PCDH15: variants seen among roughly 807,000 people sequenced by gnomAD.
PCDH15 encodes the protein protocadherin-15.
Under a neutral mutation model 178.5 loss-of-function variants are expected in PCDH15, and 129 were observed. The observed-to-expected ratio is 0.72, with a 90% CI of 0.63 to 0.84. The LOEUF is 0.84. Among genes scored for constraint, PCDH15 ranks in the 40% least tolerant of loss-of-function variants. The probability of loss-of-function intolerance (pLI) is 0.00; values close to 1 mark genes in which losing one functional copy is unlikely to be tolerated. For missense variants in PCDH15, 2,230 were observed against 2,099.9 expected, an observed-to-expected ratio of 1.06 and a Z score of -1.21; for synonymous variants, 800 against 732.0, an observed-to-expected ratio of 1.09 and a Z score of -1.50.
In PCDH15 at chr10:54,089,991, A is replaced by G; in HGVS notation, c.1990T>C (p.Ser664Pro). The G allele has an allele frequency of 6.2e-7, 1 of 1,608,100 alleles. No individual in the cohort carries two copies. The highest frequency in any genetic ancestry group is 8.5e-7 in the Non-Finnish European group (1 of 1,174,912). Reference protein sequence around the residue: ...NGDPQRVFNLSETTGILTLGK... With the variant: ...NGDPQRVFNLPETTGILTLGK... ...AAATCATTTTTAACTTACGTTTCTG[A>G]AAGATTAAAAACTCTCTGAGGATCT... The change falls in exon 16 of 38, where the codon TCA becomes CCA. Residue 664 changes from serine to proline, a missense_variant. Coordinates refer to ENST00000644397, the MANE Select transcript of PCDH15 (RefSeq NM_001384140.1).
chr10:55,478,353 A>G (rs1453135259), intron 2 of PCDH15, among the ~76,000 whole-genome samples: 1 of 151,694 alleles, frequency 6.6e-6, no homozygotes, highest in Middle Eastern at 3.2e-3. Context: ...TCCATCCAAC[A>G]TCTGCAGGAT....
intron 32 of PCDH15, among the ~76,000 whole-genome samples, chr10:53,824,012 A>G (rs2076500704): frequency 6.6e-6 from 1 of 152,132 alleles, no homozygotes; most frequent in Non-Finnish European, 1.5e-5. Context: ...AACCTTATAC[A>G]TAATACCAAT....
chr10:53,918,135 C>T (rs1388653383), intron 25 of PCDH15, among the ~76,000 whole-genome samples: 3 of 152,120 alleles, frequency 2.0e-5, no homozygotes, highest in African/African-American at 7.2e-5. Context: ...ATACACAAAC[C>T]AAATATGGTT....
intron 4 of PCDH15, among the ~76,000 whole-genome samples, chr10:54,377,809 A>G (rs1470173991): frequency 6.6e-6 from 1 of 152,156 alleles, no homozygotes; most frequent in African/African-American, 2.4e-5. Context: ...TCTGTACTCA[A>G]GAAAGACTGA....
At chr10:54,593,361 G>T (rs1442092453) in intron 2 of PCDH15, among the ~76,000 whole-genome samples, 1 of 152,032 alleles carries the variant, frequency 6.6e-6, no homozygotes, top group Non-Finnish European at 1.5e-5. Flanking sequence ...TTTGTATGTG[G>T]TAAGAGCTTA....
At chr10:54,658,088 A>G (rs773838551) in intron 2 of PCDH15, among the ~76,000 whole-genome samples, 10 of 152,174 alleles carry the variant, frequency 6.6e-5, no homozygotes, top group Admixed American at 1.3e-4. Flanking sequence ...CACAAATATA[A>G]AGAAAAAATA....
At chr10:54,164,416 A>G (rs2133488350) in intron 13 of PCDH15, among the ~76,000 whole-genome samples, 1 of 152,332 alleles carries the variant, frequency 6.6e-6, no homozygotes, top group East Asian at 1.9e-4. Flanking sequence ...GATGGGCAAC[A>G]TAAAACTTAC....
intron 17 of PCDH15, among the ~76,000 whole-genome samples, chr10:54,073,163 C>T (rs1297558601): frequency 1.3e-5 from 2 of 150,992 alleles, no homozygotes; most frequent in Non-Finnish European, 2.9e-5. Context: ...TTTATGCAAT[C>T]GTGCATGTTT....
At chr10:54,283,985 C>A (rs551417447) in intron 8 of PCDH15, among the ~76,000 whole-genome samples, 1 of 152,216 alleles carries the variant, frequency 6.6e-6, no homozygotes, top group East Asian at 1.9e-4. Flanking sequence ...GTGCATGCCA[C>A]TATGCCCAAA....
chr10:55,561,902 T>G (rs1245869933), intron 2 of PCDH15, among the ~76,000 whole-genome samples: 2 of 151,926 alleles, frequency 1.3e-5, no homozygotes, highest in African/African-American at 2.4e-5. Context: ...CAGTTTAAAA[T>G]TGATTTTTCA....
chr10:54,975,393 C>A (rs117095182), intron 2 of PCDH15, among the ~76,000 whole-genome samples: 3,633 of 152,214 alleles, frequency 0.024, 55 homozygotes, highest in Non-Finnish European at 0.039. Context: ...GAGTTGCTGG[C>A]ACATAATAAG....
chr10:55,503,820 A>G (rs1027147055), intron 2 of PCDH15, among the ~76,000 whole-genome samples: 8 of 151,502 alleles, frequency 5.3e-5, no homozygotes, highest in African/African-American at 1.9e-4. Flanking sequence ...GCAAAATGGT[A>G]CAGCCATGTT....
intron 7 of PCDH15, among the ~76,000 whole-genome samples, chr10:54,325,863 C>A (rs1027006260): frequency 6.6e-6 from 1 of 151,924 alleles, no homozygotes; most frequent in Non-Finnish European, 1.5e-5. Flanking sequence ...GAGCTGAGAT[C>A]GCACCACTGT....
At chr10:54,498,552 A>G (rs2137338514) in intron 3 of PCDH15, among the ~76,000 whole-genome samples, 1 of 152,272 alleles carries the variant, frequency 6.6e-6, no homozygotes, top group South Asian at 2.1e-4. Context: ...ACCATCTAAC[A>G]TGCAATGAAA....
chr10:53,935,718 C>T (rs1017645359), intron 25 of PCDH15, among the ~76,000 whole-genome samples: 3 of 152,046 alleles, frequency 2.0e-5, no homozygotes, highest in Non-Finnish European at 4.4e-5. Context: ...TGAATCAACT[C>T]ATTATTTTGA....
chr10:55,577,545 T>C (rs1193294055), intron 2 of PCDH15, among the ~76,000 whole-genome samples: 1 of 152,152 alleles, frequency 6.6e-6, no homozygotes, highest in Non-Finnish European at 1.5e-5. Flanking sequence ...ATCATGTAAA[T>C]TATTATCAGT....
chr10:54,970,621 A>AAG (rs1314834436), intron 2 of PCDH15, among the ~76,000 whole-genome samples: 1 of 151,438 alleles, frequency 6.6e-6, no homozygotes, highest in South Asian at 2.1e-4. Flanking sequence ...ATTCCCTTAA[A>AAG]AAAACTATAA....
intron 17 of PCDH15, among the ~76,000 whole-genome samples, chr10:54,068,139 T>C (rs899919162): frequency 6.6e-6 from 1 of 152,100 alleles, no homozygotes; most frequent in African/African-American, 2.4e-5. Context: ...TGGATTTAGG[T>C]GATCTGCCCT....
chr10:54,733,732 A>C (rs1355464044), intron 1 of PCDH15, among the ~76,000 whole-genome samples: 1 of 151,684 alleles, frequency 6.6e-6, no homozygotes, highest in Non-Finnish European at 1.5e-5. Flanking sequence ...ACAGTATTTT[A>C]TTGGCAAATG....
Sources: gnomAD v4.1 joint callset for allele counts (sites outside exome capture counted in the v4.1 genomes callset) on GRCh38, gnomAD v4.1.1 for gene constraint, MANE v1.5 for transcripts, NCBI Gene and HGNC (gene_info 2026-07-23, HGNC 2026-07-21) for gene names.